Variants in CHERP observed in about 807,000 individuals in gnomAD.
CHERP encodes the protein ERPROT 213-21.
A neutral mutation model predicts 113.8 loss-of-function variants in CHERP; 8 were observed. The observed-to-expected ratio is 0.07, with a 90% CI of 0.04 to 0.13. The LOEUF (loss-of-function observed/expected upper bound fraction) is 0.13, where lower values mean the gene tolerates loss of function less well. Ranked by LOEUF, CHERP falls within the 10% of genes least tolerant of loss-of-function variation. CHERP has a pLI of 1.00. For synonymous variants in CHERP, 559 were observed against 524.5 expected (o/e 1.07, Z -0.90); for missense variants, 884 against 1,298.2 (o/e 0.68, Z 4.90).
chr19:16,523,140 G>A lies in CHERP; in HGVS notation c.1892C>T (p.Pro631Leu), dbSNP rs199591449. The A allele has an allele frequency of 8.2e-5, 127 of 1,554,254 alleles. No individual in the cohort carries two copies. Among genetic ancestry groups the A allele is most frequent in the Admixed American group, 3.1e-4 (15 of 48,994 alleles). The change falls in exon 11 of 17, where the codon CCA (proline) becomes CTA (leucine). Residue 631 changes from proline to leucine, a missense_variant. By Grantham distance (98) the Pro-to-Leu change is moderately conservative. This residue lies in a region of CHERP where 464 missense variants were observed against 590.1 expected (regional missense o/e 0.79). Coordinates refer to ENST00000546361, the MANE Select transcript of CHERP (RefSeq NM_006387.6). This position sits in a 1 kb window ranked among gnomAD's most constrained non-coding sequence, Gnocchi z 4.0. The stretch of plus-strand genomic sequence containing the variant: ...GGGGTCATCGTGGTTGATGTGGGGT[G>A]GGCCCTGTCGCCGCATGTGTGGGGG... ...GQPPHMRRQG[P>L]PHINHDDPSL...
chr19:16,529,362 T>C (rs1186883194), intron 8 of CHERP, among the ~76,000 whole-genome samples: 3 of 152,218 alleles, frequency 2.0e-5, no homozygotes, highest in Non-Finnish European at 4.4e-5. Context: ...CCTGATGTAA[T>C]AGTTACCCTA....
intron 1 of CHERP, 63 bp downstream of exon 1, chr19:16,542,291 G>A (rs1044201150): frequency 1.5e-6 from 2 of 1,356,484 alleles, no homozygotes; most frequent in Non-Finnish European, 1.9e-6. Flanking sequence ...TCCGGGAGGC[G>A]GGGCCGGCCA....
chr19:16,520,294 A>G lies in CHERP; in HGVS notation c.2346-29T>C, dbSNP rs2085598273. On this transcript the variant is annotated intron_variant, in intron 14 of 16. Coordinates refer to ENST00000546361, the MANE Select transcript of CHERP (RefSeq NM_006387.6). The surrounding 1 kb of genome is among the most constrained non-coding windows in gnomAD (Gnocchi z 4.0). The stretch of plus-strand genomic sequence containing the variant: ...CAGGGAAGGGTGCCCAAGGGTCAGC[A>G]GCAGCCAGGCGTCGTGGGGAGGCCA... 8 of 1,613,304 alleles carry G rather than the reference A, an allele frequency of 5.0e-6. No homozygotes were observed. The highest frequency in any genetic ancestry group is 3.3e-5 in the Admixed American group (2 of 59,968).
chr19:16,529,856 C>G lies in CHERP; in HGVS notation c.921G>C (p.Gln307His). 1.2e-6 allele frequency: 2 copies of G among 1,613,824 alleles called. No homozygotes were observed. Among genetic ancestry groups the G allele is most frequent in the Non-Finnish European group, 1.7e-6 (2 of 1,179,986 alleles). ...TCTGGATCTGCTGCTGGAAGGCCAG[C>G]TGCACCGGCTGGACCACTGAGGAGT... Reference protein sequence around the residue: ...NEYSSVVQPVQLAFQQQIQTL... With the variant: ...NEYSSVVQPVHLAFQQQIQTL... The change falls in exon 8 of 17, where the codon CAG (glutamine) becomes CAC (histidine). Residue 307 changes from glutamine to histidine, a missense_variant. Around this residue, in one of 8 missense-constraint regions of CHERP, gnomAD observed 464 missense variants for 590.1 expected, o/e 0.79. Coordinates refer to ENST00000546361, the MANE Select transcript of CHERP (RefSeq NM_006387.6).
At chr19:16,542,294 G>T in intron 1 of CHERP, 60 bp downstream of exon 1, 2 of 1,363,894 alleles carry the variant, frequency 1.5e-6, no homozygotes, top group Non-Finnish European at 1.9e-6. Flanking sequence ...GGGAGGCGGG[G>T]CCGGCCAATA....
At chr19:16,521,478 G>A in intron 12 of CHERP, 43 bp downstream of exon 12, 1 of 1,503,976 alleles carries the variant, frequency 6.6e-7, no homozygotes, top group Non-Finnish European at 8.9e-7. Flanking sequence ...CCGGGAGAGG[G>A]GACAGAGGCC....
In CHERP at chr19:16,518,139, A is replaced by G. The variant is rs1273723042; in HGVS notation, c.*1020T>C. The G allele has an allele frequency of 7.2e-5, 11 of 152,162 alleles. No homozygotes were observed. The highest frequency in any genetic ancestry group is 2.9e-5 in the Non-Finnish European group (2 of 68,034). The allele number at this position is 152,162 out of a possible 1,614,324, so 9.4% of individuals were successfully genotyped here. On this transcript the variant is annotated 3_prime_UTR_variant, in exon 17 of 17. Transcript: ENST00000546361. ...GAATTGCACCAGGCTGCCCATGGAC[A>G]CCAGGTGTGGCCGATTCCCAACGGT...
At chr19:16,529,206 CG>C (rs2085678415) in intron 8 of CHERP, among the ~76,000 whole-genome samples, 1 of 152,126 alleles carries the variant, frequency 6.6e-6, no homozygotes, top group South Asian at 2.1e-4. Context: ...TTAGTAGAGA[CG>C]GGGTTTCACC....
intron 5 of CHERP, among the ~76,000 whole-genome samples, chr19:16,531,089 G>A (rs1207447022): frequency 1.3e-5 from 2 of 152,190 alleles, no homozygotes; most frequent in African/African-American, 2.4e-5. Context: ...AGCAGGGGAG[G>A]GAGAGAACGT....
intron 9 of CHERP, among the ~76,000 whole-genome samples, chr19:16,527,313 T>A (rs1269447981): frequency 6.6e-6 from 1 of 152,188 alleles, no homozygotes; most frequent in African/African-American, 2.4e-5. Context: ...GCTGTCTTTA[T>A]GGGGGTGTCC....
At chr19:16,539,705 T>C (rs771130241) in intron 2 of CHERP, 2 of 152,158 alleles carry the variant, frequency 1.3e-5, no homozygotes, top group African/African-American at 4.8e-5. Flanking sequence ...TTCTCTACTA[T>C]GTCACCCAGG....
rs746597113 is a variant in CHERP, at chr19:16,519,192, G to C, written c.2718C>G (p.Ile906Met). Reference protein sequence around the residue: ...NYRRNKSYSFIARMKARDECK With the variant: ...NYRRNKSYSFMARMKARDECK The stretch of plus-strand genomic sequence containing the variant: ...ACTCGTCCCTGGCCTTCATGCGGGC[G>C]ATGAAGGAGTAGCTCTTGTTCCTGC... The change falls in exon 17 of 17, where the codon ATC becomes ATG. Residue 906 changes from isoleucine (I) to methionine (M), a missense_variant. This residue lies in a region of CHERP where 42 missense variants were observed against 105.1 expected (regional missense o/e 0.40). Transcript: ENST00000546361. This position sits in a 1 kb window ranked among gnomAD's most constrained non-coding sequence, Gnocchi z 6.0. 6.2e-7 allele frequency: 1 copy of C among 1,613,938 alleles called. No individual in the cohort carries two copies.
chr19:16,529,293 C>T (rs980423187), intron 8 of CHERP, among the ~76,000 whole-genome samples: 6 of 152,226 alleles, frequency 3.9e-5, no homozygotes, highest in African/African-American at 1.2e-4. Context: ...GCTGGGATTA[C>T]AAGCGTAAGC....
At position 16,525,291 on chromosome 19, in the gene CHERP, C is replaced by T. The variant is rs1303883431; in HGVS notation, c.1692G>A (p.Arg564=). 4 of 1,447,612 alleles carry T rather than the reference C, an allele frequency of 2.8e-6. No individual in the cohort carries two copies. The East Asian group carries it at 1.0e-4, about 38-fold the overall frequency. The allele number at this position is 1,447,612 out of a possible 1,614,324, so 89.7% of individuals were successfully genotyped here. The change falls in exon 10 of 17, where the codon CGG becomes CGA. Residue 564 remains arginine (R), a synonymous_variant. Transcript: ENST00000546361. This position sits in a 1 kb window ranked among gnomAD's most constrained non-coding sequence, Gnocchi z 6.5. ...AGTCGAAGCGGTGGGGATAGGGCGG[C>T]CGCTCGAAGGGGTGCCGTGGCGGGA... is the stretch of plus-strand genomic sequence containing the variant. ...DDFPPRHPFE[R]PPYPHRFDYP...
At position 16,518,981 on chromosome 19, in the gene CHERP, G is replaced by A. The variant is rs369864628; in HGVS notation, c.*178C>T. On this transcript the variant is annotated 3_prime_UTR_variant, in exon 17 of 17. Coordinates refer to ENST00000546361, the MANE Select transcript of CHERP (RefSeq NM_006387.6). ...TGTGGGTGGCACCCGTGCCCTCCACGCCATGGAGCACGGCGTTCCCACTGG... is the reference window on the plus strand; with the variant it reads ...TGTGGGTGGCACCCGTGCCCTCCACACCATGGAGCACGGCGTTCCCACTGG... The A allele has an allele frequency of 9.4e-5, 60 of 640,806 alleles. No individual in the cohort carries two copies. In the East Asian group the frequency reaches 9.4e-4, roughly 10 times the overall value. The allele number at this position is 640,806 out of a possible 1,614,324, so 39.7% of individuals were successfully genotyped here.
At position 16,520,737 on chromosome 19, in the gene CHERP, G is replaced by A. The variant is rs1199664566; in HGVS notation, c.2201+89C>T. On this transcript the variant is annotated intron_variant, in intron 13 of 16. Transcript: ENST00000546361. This position sits in a 1 kb window ranked among gnomAD's most constrained non-coding sequence, Gnocchi z 4.0. The stretch of plus-strand genomic sequence containing the variant: ...CATAGGCACAGGCTGTGTGAGGGTG[G>A]ACGTGATGAGTGTATCTGGGGTCTG... 1.5e-6 allele frequency: 2 copies of A among 1,325,568 alleles called. No individual in the cohort carries two copies. Among genetic ancestry groups the A allele is most frequent in the East Asian group, 2.3e-5 (1 of 43,580 alleles). 82.1% of individuals were successfully genotyped at this position (1,325,568 alleles called of 1,614,324 possible). A position where few individuals can be genotyped will look rare whatever the true frequency, so the allele number is the denominator to read the frequency against.
Position 16,527,211 on chromosome 19 carries a change from A to G in CHERP, c.1305+869T>C, listed in dbSNP as rs545359118. Among the ~76,000 whole-genome samples the G allele has an allele frequency of 3.3e-5, 5 of 152,316 alleles. No homozygotes were observed. In the South Asian group the frequency reaches 1.0e-3, roughly 32 times the overall value. On this transcript the variant is annotated intron_variant, in intron 9 of 16. Transcript: ENST00000546361. The stretch of plus-strand genomic sequence containing the variant: ...ACACTAAGGGCCTGTTTCCACACCT[A>G]CAAAACAGGGACAAGAACTGCCCCC...
chr19:16,529,618 G>C, intron 8 of CHERP, 30 bp downstream of exon 8: 1 of 1,530,390 alleles, frequency 6.5e-7, no homozygotes, highest in Non-Finnish European at 8.8e-7. Context: ...CTGTTTCCTG[G>C]GGGCAGGCTG....
rs2085573033 is a variant in CHERP at position 16,518,694 on chromosome 19, CCG to C, written c.*463_*464del. 1.8e-5 allele frequency: 3 copies of C among 169,782 alleles called. No individual in the cohort carries two copies. Among genetic ancestry groups the C allele is most frequent in the Non-Finnish European group, 3.7e-5 (3 of 80,562 alleles). The allele number at this position is 169,782 out of a possible 1,614,324, so 10.5% of individuals were successfully genotyped here. A position where few individuals can be genotyped will look rare whatever the true frequency, so the allele number is the denominator to read the frequency against. The stretch of plus-strand genomic sequence containing the variant: ...GGGCTTCGGCTTTGTCCCTACACAG[CCG>C]AGGGGAAGCCAGGTCAGGGCCGGTG... On this transcript the variant is annotated 3_prime_UTR_variant, in exon 17 of 17. Coordinates refer to ENST00000546361, the MANE Select transcript of CHERP (RefSeq NM_006387.6).
Sources: gnomAD v4.1 joint callset for allele counts (sites outside exome capture counted in the v4.1 genomes callset) on GRCh38, gnomAD v4.1.1 for gene constraint, gnomAD v4.1.1 regional missense constraint, Gnocchi (gnomAD v3.1) non-coding constraint, MANE v1.5 for transcripts, NCBI Gene and HGNC (gene_info 2026-07-23, HGNC 2026-07-21) for gene names.